HEMK2: variants seen among roughly 807,000 people sequenced by gnomAD.
HEMK2 encodes the protein methyltransferase HEMK2.
chr21:28,849,469 G>A, the HEMK2 span, among the ~76,000 whole-genome samples: 4 of 152,318 alleles, frequency 2.6e-5, no homozygotes, highest in African/African-American at 9.6e-5. Flanking sequence ...AAGCCAGAGT[G>A]TCTTCTCACC....
the HEMK2 span, among the ~76,000 whole-genome samples, chr21:28,702,212 T>C: frequency 6.6e-6 from 1 of 151,810 alleles, no homozygotes; most frequent in Non-Finnish European, 1.5e-5. Flanking sequence ...ATGTAAAACC[T>C]AAAACTATAA....
At chr21:28,717,643 C>A in the HEMK2 span, among the ~76,000 whole-genome samples, 1 of 151,934 alleles carries the variant, frequency 6.6e-6, no homozygotes, top group Non-Finnish European at 1.5e-5. Context: ...CCACCTCCAG[C>A]TAATTTTTGT....
At chr21:28,830,266 T>C in the HEMK2 span, among the ~76,000 whole-genome samples, 3 of 152,090 alleles carry the variant, frequency 2.0e-5, no homozygotes, top group African/African-American at 7.2e-5. Context: ...GGTAATTGGA[T>C]CATGGGGGCA....
chr21:28,879,072 G>A, the HEMK2 span, among the ~76,000 whole-genome samples: 1 of 140,908 alleles, frequency 7.1e-6, no homozygotes, highest in African/African-American at 2.6e-5. Flanking sequence ...TATCATTGTA[G>A]ATTGTTTCTT....
chr21:28,694,114 T>C, the HEMK2 span, among the ~76,000 whole-genome samples: 4 of 152,218 alleles, frequency 2.6e-5, no homozygotes, highest in African/African-American at 9.6e-5. Context: ...TACCTGTTTG[T>C]AATTATTGGC....
At chr21:28,686,113 T>A in the HEMK2 span, among the ~76,000 whole-genome samples, 5 of 152,216 alleles carry the variant, frequency 3.3e-5, no homozygotes, top group African/African-American at 1.2e-4. Flanking sequence ...AGAAGAGGGC[T>A]CCAAAGAGCC....
At chr21:28,753,911 T>C in the HEMK2 span, among the ~76,000 whole-genome samples, 1 of 152,350 alleles carries the variant, frequency 6.6e-6, no homozygotes, top group East Asian at 1.9e-4. Flanking sequence ...CAAAGGTTAC[T>C]AAATATACTC....
At chr21:28,728,422 T>G in the HEMK2 span, among the ~76,000 whole-genome samples, 1 of 151,936 alleles carries the variant, frequency 6.6e-6, no homozygotes, top group African/African-American at 2.4e-5. Flanking sequence ...CCCTAAAGGG[T>G]GGGAAATTTA....
chr21:28,627,342 A>G, the HEMK2 span, among the ~76,000 whole-genome samples: 1 of 152,198 alleles, frequency 6.6e-6, no homozygotes, highest in Non-Finnish European at 1.5e-5. Context: ...AAATGGGTGC[A>G]TTTTCTATCA....
At chr21:28,865,933 C>T in the HEMK2 span, among the ~76,000 whole-genome samples, 8 of 151,760 alleles carry the variant, frequency 5.3e-5, no homozygotes, top group East Asian at 3.9e-4. Context: ...TTTTGAAACA[C>T]GGTCTCACTC....
the HEMK2 span, among the ~76,000 whole-genome samples, chr21:28,766,557 T>C: frequency 4.6e-5 from 7 of 152,018 alleles, no homozygotes; most frequent in South Asian, 2.1e-4. Context: ...TGCACACTCA[T>C]GTTTAAGGCA....
the HEMK2 span, among the ~76,000 whole-genome samples, chr21:28,833,293 C>T: frequency 1.3e-5 from 2 of 152,216 alleles, no homozygotes; most frequent in African/African-American, 4.8e-5. Flanking sequence ...TAGCTTTGTG[C>T]ACACAAGGCC....
At chr21:28,609,651 A>G in the HEMK2 span, among the ~76,000 whole-genome samples, 1 of 151,218 alleles carries the variant, frequency 6.6e-6, no homozygotes, top group South Asian at 2.1e-4. Flanking sequence ...ACTTAAAGAA[A>G]AAAAAAAAAA....
the HEMK2 span, among the ~76,000 whole-genome samples, chr21:28,701,691 C>A: frequency 2.6e-5 from 4 of 151,546 alleles, no homozygotes; most frequent in Non-Finnish European, 5.9e-5. Flanking sequence ...GTGACATAAA[C>A]AAATGGAAAA....
chr21:28,806,253 G>A, the HEMK2 span, among the ~76,000 whole-genome samples: 3 of 152,296 alleles, frequency 2.0e-5, no homozygotes, highest in South Asian at 4.1e-4. Flanking sequence ...TTATGGAATT[G>A]TGGGCTTTTA....
chr21:28,621,104 T>C, the HEMK2 span, among the ~76,000 whole-genome samples: 1 of 152,148 alleles, frequency 6.6e-6, no homozygotes, highest in Non-Finnish European at 1.5e-5. Flanking sequence ...TGTCTTCTGC[T>C]AGCTTTTGAA....
At chr21:28,884,796 T>C in the HEMK2 span, among the ~76,000 whole-genome samples, 6 of 152,238 alleles carry the variant, frequency 3.9e-5, no homozygotes, top group Non-Finnish European at 8.8e-5. Flanking sequence ...GTGCTTTCTA[T>C]GTGCTGAGTA....
the HEMK2 span, among the ~76,000 whole-genome samples, chr21:28,663,646 T>C: frequency 6.6e-6 from 1 of 152,324 alleles, no homozygotes; most frequent in East Asian, 1.9e-4. Flanking sequence ...TTGGGATGGG[T>C]TTCTTTTTGT....
chr21:28,621,190 C>T, the HEMK2 span, among the ~76,000 whole-genome samples: 11 of 152,054 alleles, frequency 7.2e-5, no homozygotes, highest in African/African-American at 2.7e-4. Context: ...CCTCTTTCTC[C>T]TGTGGGCATT....
Sources: allele counts gnomAD v4.1 joint callset (sites outside exome capture counted in the v4.1 genomes callset), GRCh38; gene constraint gnomAD v4.1.1; transcripts MANE v1.5; gene names NCBI Gene and HGNC (gene_info 2026-07-23, HGNC 2026-07-21).